The following ADGRV1 variants were observed in gnomAD, a reference collection of about 807,000 sequenced individuals.
ADGRV1 encodes the protein adhesion G protein-coupled receptor V1.
In ADGRV1, 359 loss-of-function variants were observed where a neutral mutation model predicts 596.2. The observed-to-expected ratio is 0.60, with a 90% CI of 0.55 to 0.66. ADGRV1 has a LOEUF of 0.66. Ranked by LOEUF, ADGRV1 falls within the 30% of genes least tolerant of loss-of-function variation. ADGRV1 has a pLI of 0.00. For synonymous variants in ADGRV1, 2,681 were observed against 2,679.2 expected (o/e 1.00, Z -0.02); for missense variants, 7,274 against 7,575.6 (o/e 0.96, Z 1.48).
At chr5:91,061,845 A>C (rs1421831052) in intron 85 of ADGRV1, among the ~76,000 whole-genome samples, 1 of 152,248 alleles carries the variant, frequency 6.6e-6, no homozygotes, top group Non-Finnish European at 1.5e-5. Context: ...TGCATCTTCA[A>C]GAGCAATGTT....
At chr5:90,802,688 G>A (rs575693073) in intron 70 of ADGRV1, 51 bp from the exon 71 acceptor site, 8 of 1,547,050 alleles carry the variant, frequency 5.2e-6, no homozygotes, top group Admixed American at 1.8e-5. Flanking sequence ...TCAAAGAACA[G>A]CATTTTTCTC....
chr5:90,637,606 A>G lies in ADGRV1; in HGVS notation c.2017-119A>G, dbSNP rs190447229. ...AATGCATTTAATAGTTCGCTTCTCT[A>G]TATAGAATACATATGTTCACACAGT... On this transcript the variant is annotated intron_variant, in intron 10 of 89. Transcript: ENST00000405460. The G allele has an allele frequency of 2.5e-3, 1,465 of 591,386 alleles. 4 individuals are homozygous for G. Among genetic ancestry groups the G allele is most frequent in the Non-Finnish European group, 3.0e-3 (1,091 of 363,138 alleles). 36.6% of individuals were successfully genotyped at this position (591,386 alleles called of 1,614,324 possible).
intron 86 of ADGRV1, among the ~76,000 whole-genome samples, chr5:91,095,088 G>A (rs1021338278): frequency 1.1e-4 from 16 of 152,164 alleles, no homozygotes; most frequent in Non-Finnish European, 1.9e-4. Context: ...GAGAACTGCT[G>A]AAAAGACAAG....
At chr5:90,878,863 A>G (rs1205471108) in intron 83 of ADGRV1, among the ~76,000 whole-genome samples, 1 of 152,236 alleles carries the variant, frequency 6.6e-6, no homozygotes, top group East Asian at 1.9e-4. Context: ...TACAGGTTAC[A>G]ATTTGCTTGA....
intron 9 of ADGRV1, among the ~76,000 whole-genome samples, chr5:90,632,116 C>T (rs933288201): frequency 1.3e-5 from 2 of 152,080 alleles, no homozygotes; most frequent in African/African-American, 4.8e-5. Flanking sequence ...AGAACATTCC[C>T]ATAAGTATAT....
intron 85 of ADGRV1, chr5:91,031,332 A>G (rs1046021021): frequency 3.8e-6 from 5 of 1,298,774 alleles, no homozygotes; most frequent in East Asian, 4.6e-5. Flanking sequence ...GCTAACAGAT[A>G]CAATCCCACT....
intron 67 of ADGRV1, among the ~76,000 whole-genome samples, chr5:90,786,571 G>T (rs1759476852): frequency 6.6e-6 from 1 of 152,100 alleles, no homozygotes; most frequent in Non-Finnish European, 1.5e-5. Flanking sequence ...TGGCTAGGAG[G>T]CTGTTTATTT....
chr5:90,600,829 C>T (rs1761305428), intron 1 of ADGRV1, among the ~76,000 whole-genome samples: 1 of 151,938 alleles, frequency 6.6e-6, no homozygotes, highest in Non-Finnish European at 1.5e-5. Context: ...AAGTGAGAAC[C>T]AGAAAACAGC....
chr5:91,150,294 T>A (rs75928601), intron 88 of ADGRV1, 73 bp downstream of exon 88: 1 of 1,154,998 alleles, frequency 8.7e-7, no homozygotes, highest in African/African-American at 1.6e-5. Flanking sequence ...TGTCTCTCTC[T>A]CTGTGTCTGT....
chr5:90,844,245 T>A (rs1265897946), intron 78 of ADGRV1, among the ~76,000 whole-genome samples: 1 of 152,240 alleles, frequency 6.6e-6, no homozygotes, highest in Non-Finnish European at 1.5e-5. Flanking sequence ...CTTCATTCTG[T>A]AAGATATTAT....
At chr5:91,070,374 C>T (rs1362989537) in intron 85 of ADGRV1, among the ~76,000 whole-genome samples, 1 of 152,156 alleles carries the variant, frequency 6.6e-6, no homozygotes, top group Non-Finnish European at 1.5e-5. Context: ...GTGATTCCCC[C>T]TGAGTTGTCT....
chr5:90,691,080 A>G (rs1010673891), intron 31 of ADGRV1, 39 bp downstream of exon 31: 22 of 1,611,440 alleles, frequency 1.4e-5, no homozygotes, highest in Non-Finnish European at 1.9e-5. Flanking sequence ...ACTGTAAATC[A>G]TACCGTATCT....
At chr5:91,068,984 G>C (rs571255322) in intron 85 of ADGRV1, among the ~76,000 whole-genome samples, 2 of 152,044 alleles carry the variant, frequency 1.3e-5, no homozygotes, top group Admixed American at 6.6e-5. Flanking sequence ...GAAAAAAAAG[G>C]CTACACACCT....
At chr5:90,868,461 A>C (rs1245629543) in intron 83 of ADGRV1, among the ~76,000 whole-genome samples, 1 of 152,032 alleles carries the variant, frequency 6.6e-6, no homozygotes. Flanking sequence ...TTAGAGTATG[A>C]ACAAGGCCTT....
chr5:90,635,340 T>C lies in ADGRV1; in HGVS notation c.2016+50T>C, dbSNP rs567233767. Reference sequence around the variant, plus strand: ...GGGGGCTAATGAGTATGAAGTAATGTACAGACACTATTTTTAAAATAAGAT... The same window carrying C: ...GGGGGCTAATGAGTATGAAGTAATGCACAGACACTATTTTTAAAATAAGAT... On this transcript the variant is annotated intron_variant, in intron 10 of 89. Coordinates refer to ENST00000405460, the MANE Select transcript of ADGRV1 (RefSeq NM_032119.4). The C allele has an allele frequency of 6.9e-6, 10 of 1,454,984 alleles. No individual in the cohort carries two copies. The South Asian group carries it at 1.4e-4, about 20-fold the overall frequency. 90.1% of individuals were successfully genotyped at this position (1,454,984 alleles called of 1,614,324 possible). A position where few individuals can be genotyped will look rare whatever the true frequency, so the allele number is the denominator to read the frequency against.
chr5:90,769,005 G>T (rs1757421117), intron 59 of ADGRV1, among the ~76,000 whole-genome samples: 1 of 152,124 alleles, frequency 6.6e-6, no homozygotes, highest in Non-Finnish European at 1.5e-5. Context: ...TAGAATGATG[G>T]TGAGTTTTAT....
rs1346986419 is a variant in ADGRV1, at chr5:90,745,637, G to C, written c.10816G>C (p.Ala3606Pro). Residue 3606 changes from alanine to proline, a missense_variant, in exon 52 of 90, where the codon GCA becomes CCA. Coordinates refer to ENST00000405460, the MANE Select transcript of ADGRV1 (RefSeq NM_032119.4). ...FEPGEREATI[A>P]VNILDDTVPE... Reference sequence around the variant, plus strand: ...ACCTGGTGAGAGAGAAGCTACAATAGCAGTAAATATCCTTGATGATACAGT... The same window carrying C: ...ACCTGGTGAGAGAGAAGCTACAATACCAGTAAATATCCTTGATGATACAGT... 2 of 1,612,812 alleles carry C rather than the reference G, an allele frequency of 1.2e-6. No homozygotes were observed. The highest frequency in any genetic ancestry group is 3.3e-5 in the Admixed American group (2 of 60,014).
chr5:90,594,529 C>A, intron 1 of ADGRV1, among the ~76,000 whole-genome samples: 1 of 123,140 alleles, frequency 8.1e-6, no homozygotes, highest in African/African-American at 3.4e-5. Context: ...GTGTTTCTCA[C>A]AGAGGGGGAT....
chr5:90,774,635 TC>T (rs1758034188), intron 60 of ADGRV1, among the ~76,000 whole-genome samples: 1 of 152,118 alleles, frequency 6.6e-6, no homozygotes, highest in Non-Finnish European at 1.5e-5. Flanking sequence ...GTTAAATGTG[TC>T]AGAATACTAG....
Sources: gnomAD v4.1 joint callset for allele counts (sites outside exome capture counted in the v4.1 genomes callset) on GRCh38, gnomAD v4.1.1 for gene constraint, MANE v1.5 for transcripts, NCBI Gene and HGNC (gene_info 2026-07-23, HGNC 2026-07-21) for gene names.